Variants in MCTP1 observed in about 807,000 individuals in gnomAD.
MCTP1 encodes multiple C2 and transmembrane domain-containing protein 1.
MCTP1 carries 69 observed loss-of-function variants against 120.6 expected under a neutral mutation model. That is an observed-to-expected ratio of 0.57 (90% confidence interval 0.47 to 0.70). The LOEUF is 0.70. MCTP1 is among the 30% of genes least tolerant of loss of function. The probability of loss-of-function intolerance (pLI) is 0.00; values close to 1 mark genes in which losing one functional copy is unlikely to be tolerated. For missense variants in MCTP1, 1,203 were observed against 1,248.8 expected, an observed-to-expected ratio of 0.96 and a Z score of 0.55; for synonymous variants, 529 against 493.1, an observed-to-expected ratio of 1.07 and a Z score of -0.96.
At chr5:95,278,647 G>A (rs1363829281) in intron 1 of MCTP1, among the ~76,000 whole-genome samples, 3 of 152,142 alleles carry the variant, frequency 2.0e-5, no homozygotes, top group Non-Finnish European at 4.4e-5. Flanking sequence ...AGAAATTAAA[G>A]CAAAGAACTT....
intron 1 of MCTP1, among the ~76,000 whole-genome samples, chr5:95,177,373 C>A (rs1748120652): frequency 6.6e-6 from 1 of 152,104 alleles, no homozygotes; most frequent in Admixed American, 6.5e-5. Flanking sequence ...GTCTGAAAGT[C>A]CATCTAAGAT....
intron 1 of MCTP1, among the ~76,000 whole-genome samples, chr5:95,037,676 G>C (rs1039265224): frequency 1.3e-5 from 2 of 152,114 alleles, no homozygotes; most frequent in African/African-American, 4.8e-5. Flanking sequence ...GATCGGCCTG[G>C]CAAACACAGT....
At chr5:95,238,229 G>A (rs778259606) in intron 1 of MCTP1, among the ~76,000 whole-genome samples, 16 of 152,074 alleles carry the variant, frequency 1.1e-4, no homozygotes, top group African/African-American at 3.4e-4. Flanking sequence ...CTGACTCTCC[G>A]CTACCTGCAA....
chr5:94,716,560 A>G (rs138634113), intron 19 of MCTP1, among the ~76,000 whole-genome samples: 23 of 152,304 alleles, frequency 1.5e-4, no homozygotes, highest in African/African-American at 4.1e-4. Context: ...ATTTATGTCT[A>G]TGAAGCAAAG....
At chr5:95,022,821 CAT>C (rs1260957034) in intron 1 of MCTP1, among the ~76,000 whole-genome samples, 1 of 152,100 alleles carries the variant, frequency 6.6e-6, no homozygotes, top group Non-Finnish European at 1.5e-5. Context: ...AAACCCTGTC[CAT>C]TCAGGAGCTA....
intron 17 of MCTP1, among the ~76,000 whole-genome samples, chr5:94,860,754 G>A (rs770150193): frequency 6.6e-6 from 1 of 151,364 alleles, no homozygotes; most frequent in Non-Finnish European, 1.5e-5. Context: ...CTGGGGCGGG[G>A]GGGAAGCAAC....
chr5:94,774,631 C>A (rs1449015171), intron 19 of MCTP1, among the ~76,000 whole-genome samples: 2 of 152,188 alleles, frequency 1.3e-5, no homozygotes, highest in African/African-American at 4.8e-5. Context: ...GAGAACCCAA[C>A]TGAGCTGTGC....
At chr5:95,085,688 G>A (rs1755380010) in intron 1 of MCTP1, among the ~76,000 whole-genome samples, 1 of 151,960 alleles carries the variant, frequency 6.6e-6, no homozygotes, top group Non-Finnish European at 1.5e-5. Context: ...AACAAAACTA[G>A]GCTAGTTTAC....
At chr5:95,225,320 T>C (rs1229974953) in intron 1 of MCTP1, among the ~76,000 whole-genome samples, 1 of 152,172 alleles carries the variant, frequency 6.6e-6, no homozygotes, top group Non-Finnish European at 1.5e-5. Flanking sequence ...GTGTCAGCAG[T>C]ATAGGCCTCA....
In MCTP1 at chr5:94,706,878, A is replaced by C. The variant is rs1754765961; in HGVS notation, c.*618T>G. 6.6e-6 allele frequency: 1 copy of C among 151,870 alleles called. No homozygotes were observed. The highest frequency in any genetic ancestry group is 6.6e-5 in the Admixed American group (1 of 15,194). The allele number at this position is 151,870 out of a possible 1,614,324, so 9.4% of individuals were successfully genotyped here. On this transcript the variant is annotated 3_prime_UTR_variant, in exon 23 of 23. Transcript: ENST00000515393. ...AAGAAAACTTTGTAACCTTCTGAGT[A>C]TTGATTCTCTTGAGGGAGTGAATGT... is the stretch of plus-strand genomic sequence containing the variant.
intron 1 of MCTP1, among the ~76,000 whole-genome samples, chr5:95,038,388 TATAA>T (rs1282217586): frequency 6.6e-6 from 1 of 152,198 alleles, no homozygotes; most frequent in Non-Finnish European, 1.5e-5. Context: ...AATATACCAA[TATAA>T]ATAAATAATT....
At chr5:94,863,836 A>G (rs144483562) in intron 17 of MCTP1, among the ~76,000 whole-genome samples, 1 of 150,084 alleles carries the variant, frequency 6.7e-6, no homozygotes, top group East Asian at 2.0e-4. Flanking sequence ...TTTTTTTTTT[A>G]ATCATTTGGC....
intron 2 of MCTP1, among the ~76,000 whole-genome samples, chr5:94,988,957 C>A (rs906409694): frequency 2.6e-5 from 4 of 152,084 alleles, no homozygotes; most frequent in African/African-American, 9.7e-5. Flanking sequence ...ATGGGGGAAA[C>A]CACCCCCATG....
At chr5:94,959,399 T>C (rs1485397347) in intron 2 of MCTP1, among the ~76,000 whole-genome samples, 3 of 152,126 alleles carry the variant, frequency 2.0e-5, no homozygotes, top group African/African-American at 4.8e-5. Context: ...CTATTCAATA[T>C]AGTATTGAAA....
At chr5:94,742,315 A>G (rs1241768175) in intron 19 of MCTP1, among the ~76,000 whole-genome samples, 2 of 152,168 alleles carry the variant, frequency 1.3e-5, no homozygotes, top group African/African-American at 4.8e-5. Context: ...TCAGCCTCCC[A>G]AAGTACTGGG....
chr5:95,095,645 T>G (rs1267965374), intron 1 of MCTP1, among the ~76,000 whole-genome samples: 3 of 152,190 alleles, frequency 2.0e-5, no homozygotes, highest in Non-Finnish European at 4.4e-5. Flanking sequence ...TAAGTTGATT[T>G]CAGGAACCCT....
At chr5:94,886,525 A>G (rs1344056478) in intron 12 of MCTP1, among the ~76,000 whole-genome samples, 1 of 152,234 alleles carries the variant, frequency 6.6e-6, no homozygotes, top group African/African-American at 2.4e-5. Context: ...TTATTTAGAA[A>G]AAGTGTTCTG....
chr5:94,880,145 T>C (rs1011896780), intron 12 of MCTP1, among the ~76,000 whole-genome samples: 1 of 152,148 alleles, frequency 6.6e-6, no homozygotes, highest in South Asian at 2.1e-4. Context: ...GGTAAGAACA[T>C]TTAAATACTT....
intron 18 of MCTP1, among the ~76,000 whole-genome samples, chr5:94,798,045 C>T (rs557162263): frequency 4.0e-5 from 6 of 151,218 alleles, no homozygotes; most frequent in South Asian, 2.1e-4. Flanking sequence ...GGCAAAAAAT[C>T]GATTTGTGAT....
Sources: allele counts gnomAD v4.1 joint callset (sites outside exome capture counted in the v4.1 genomes callset), GRCh38; gene constraint gnomAD v4.1.1; transcripts MANE v1.5; gene names NCBI Gene and HGNC (gene_info 2026-07-23, HGNC 2026-07-21).